The following ZGRF1 variants were observed in gnomAD, a reference collection of about 807,000 sequenced individuals.
ZGRF1 encodes the protein 5'-3' DNA helicase ZGRF1.
In ZGRF1, 196 loss-of-function variants were observed where a neutral mutation model predicts 203.5. The ratio of observed to expected loss-of-function variants is 0.96; its 90% CI spans 0.86 to 1.08. The LOEUF (loss-of-function observed/expected upper bound fraction) is 1.08. Among genes scored for constraint, ZGRF1 ranks in the 50% least tolerant of loss-of-function variants. ZGRF1 has a pLI of 0.00. For synonymous variants in ZGRF1, 809 were observed against 841.3 expected (o/e 0.96, Z 0.66); for missense variants, 2,326 against 2,416.3 (o/e 0.96, Z 0.78).
At chr4:112,570,289 T>G (rs1216630771) in intron 16 of ZGRF1, among the ~76,000 whole-genome samples, 1 of 152,054 alleles carries the variant, frequency 6.6e-6, no homozygotes, top group African/African-American at 2.4e-5. Flanking sequence ...TACAATCAAG[T>G]GTACAAAAAC....
intron 23 of ZGRF1, 72 bp downstream of exon 23, chr4:112,548,181 T>G: frequency 1.4e-6 from 2 of 1,406,374 alleles, no homozygotes; most frequent in Non-Finnish European, 1.9e-6. Flanking sequence ...ACTCAAGCAA[T>G]CCACCTGCCT....
At chr4:112,551,020 T>G (rs973532862) in intron 22 of ZGRF1, among the ~76,000 whole-genome samples, 1 of 152,182 alleles carries the variant, frequency 6.6e-6, no homozygotes, top group African/African-American at 2.4e-5. Flanking sequence ...ATAGTATATA[T>G]AGTTTTCTGA....
intron 16 of ZGRF1, among the ~76,000 whole-genome samples, chr4:112,575,234 T>G (rs776442706): frequency 5.9e-5 from 9 of 152,204 alleles, no homozygotes; most frequent in Admixed American, 1.3e-4. Context: ...TTCCAAGAAC[T>G]AATTAAATGT....
rs771078409 is a variant in ZGRF1, at chr4:112,618,065, T to C, written c.1977A>G (p.Lys659=). 2 of 1,613,656 alleles carry C rather than the reference T, an allele frequency of 1.2e-6. No homozygotes were observed. The highest frequency in any genetic ancestry group is 1.7e-5 in the Admixed American group (1 of 59,990). The change falls in exon 6 of 28, where the codon AAA becomes AAG. Residue 659 remains lysine (K), a synonymous_variant. Coordinates refer to ENST00000505019, the MANE Select transcript of ZGRF1 (RefSeq NM_018392.5). ...CTTGAATAGGTTTATTAGCATCTTCTTTATTATCTCCGTATACAGCATCAG... is the reference window on the plus strand; with the variant it reads ...CTTGAATAGGTTTATTAGCATCTTCCTTATTATCTCCGTATACAGCATCAG... ...KWTDAVYGDN[K]EDANKPIQEV...
At chr4:112,563,057 C>A (rs1398338915) in intron 17 of ZGRF1, 74 bp downstream of exon 17, 1 of 1,320,990 alleles carries the variant, frequency 7.6e-7, no homozygotes. Flanking sequence ...TTTTTGTTGG[C>A]TTTAATCAAA....
chr4:112,549,848 GT>G (rs1739570308), intron 22 of ZGRF1, among the ~76,000 whole-genome samples: 1 of 151,982 alleles, frequency 6.6e-6, no homozygotes, highest in Non-Finnish European at 1.5e-5. Flanking sequence ...AGAAGGTATT[GT>G]TATCATAAGC....
In ZGRF1 at chr4:112,539,524, C is replaced by T; in HGVS notation, c.*23G>A. 2 of 1,146,040 alleles carry T rather than the reference C, an allele frequency of 1.7e-6. No homozygotes were observed. Among genetic ancestry groups the T allele is most frequent in the Non-Finnish European group, 2.5e-6 (2 of 797,108 alleles). 71.0% of individuals were successfully genotyped at this position (1,146,040 alleles called of 1,614,324 possible). On this transcript the variant is annotated 3_prime_UTR_variant, in exon 28 of 28. Coordinates refer to ENST00000505019, the MANE Select transcript of ZGRF1 (RefSeq NM_018392.5). ...AAATGAGTCTGAATTTACATAAATA[C>T]AAAATATTTACACCATGTCTTTTTA...
chr4:112,619,689 C>A lies in ZGRF1; in HGVS notation c.353G>T (p.Gly118Val). The change falls in exon 6 of 28, where the codon GGT becomes GTT. Residue 118 changes from glycine (G) to valine (V), a missense_variant and splice_region_variant. Transcript: ENST00000505019. ...QPSGLKRKFT[G>V]FQGPRQVPKK... ...TGGAACCTGACGTGGTCCTTGAAAA[C>A]CCTGAAAATATTAAAATAACTGTTA... 1 of 1,586,970 alleles carries A rather than the reference C, an allele frequency of 6.3e-7. No individual in the cohort carries two copies.
chr4:112,611,612 A>G (rs2046679540), intron 7 of ZGRF1, among the ~76,000 whole-genome samples: 1 of 152,194 alleles, frequency 6.6e-6, no homozygotes, highest in Admixed American at 6.5e-5. Context: ...TATTTTTTAT[A>G]TAACTACCAT....
intron 16 of ZGRF1, among the ~76,000 whole-genome samples, chr4:112,574,140 G>C (rs961217799): frequency 6.6e-6 from 1 of 152,084 alleles, no homozygotes; most frequent in Non-Finnish European, 1.5e-5. Flanking sequence ...ATATTCAAAA[G>C]AAACCCATAC....
At chr4:112,562,521 A>G in intron 17 of ZGRF1, 36 bp from the exon 18 acceptor site, 1 of 1,261,892 alleles carries the variant, frequency 7.9e-7, no homozygotes, top group East Asian at 2.4e-5. Flanking sequence ...CATTTGATGT[A>G]AATAAAATGG....
chr4:112,628,133 T>A (rs2047295083), intron 3 of ZGRF1, among the ~76,000 whole-genome samples: 2 of 152,244 alleles, frequency 1.3e-5, no homozygotes, highest in African/African-American at 4.8e-5. Context: ...AAACATATTA[T>A]GATCCTTATG....
intron 16 of ZGRF1, among the ~76,000 whole-genome samples, chr4:112,563,974 T>TA (rs1473326290): frequency 6.6e-6 from 1 of 152,154 alleles, no homozygotes. Context: ...CCCCAGCTCT[T>TA]AATACACTGG....
At chr4:112,606,760 A>G (rs551319221) in intron 8 of ZGRF1, among the ~76,000 whole-genome samples, 3 of 152,342 alleles carry the variant, frequency 2.0e-5, no homozygotes, top group African/African-American at 7.2e-5. Flanking sequence ...TAAAATTAGT[A>G]AGAAATGAAA....
chr4:112,621,467 T>C (rs1178416734), intron 4 of ZGRF1, among the ~76,000 whole-genome samples: 3 of 151,724 alleles, frequency 2.0e-5, no homozygotes, highest in Non-Finnish European at 4.4e-5. Context: ...CTGACCAACA[T>C]GGTGAAACCC....
chr4:112,563,996 C>G lies in ZGRF1; in HGVS notation c.4439-722G>C, dbSNP rs1186708625. Among the ~76,000 whole-genome samples, 3 of 152,160 alleles carry G rather than the reference C, an allele frequency of 2.0e-5. No homozygotes were observed. In the East Asian group the frequency reaches 5.8e-4, roughly 29 times the overall value. On this transcript the variant is annotated intron_variant, in intron 16 of 27. Transcript: ENST00000505019. The stretch of plus-strand genomic sequence containing the variant: ...TCTTAATACACTGGCAATCAAATTT[C>G]AAAGTATGTATTTGGCAGTGGGAAC...
Position 112,620,186 on chromosome 4 carries a change from T to C in ZGRF1, c.167A>G (p.Lys56Arg), listed in dbSNP as rs764161000. Residue 56 changes from lysine (K) to arginine (R), a missense_variant, in exon 5 of 28, where the codon AAA becomes AGA. By Grantham distance (26) the Lys-to-Arg change is conservative. Coordinates refer to ENST00000505019, the MANE Select transcript of ZGRF1 (RefSeq NM_018392.5). ...ESLFLKCLEV[K>R]PGDDLESDRY... ...ATCACTTTCTAAGTCATCTCCAGGT[T>C]TCACCTGAAAGAATAAATGTCAAAA... The C allele has an allele frequency of 6.3e-7, 1 of 1,596,512 alleles. No individual in the cohort carries two copies. The highest frequency in any genetic ancestry group is 2.2e-5 in the East Asian group (1 of 44,448).
chr4:112,627,566 C>T (rs911429934), intron 3 of ZGRF1, among the ~76,000 whole-genome samples: 3 of 152,024 alleles, frequency 2.0e-5, no homozygotes, highest in Admixed American at 2.0e-4. Flanking sequence ...CATGGTGAAA[C>T]CCGTCTCTAC....
At chr4:112,585,466 T>A in intron 14 of ZGRF1, 75 bp downstream of exon 14, 1 of 1,180,460 alleles carries the variant, frequency 8.5e-7, no homozygotes, top group South Asian at 1.8e-5. Flanking sequence ...TTTAAGCTTA[T>A]CATGAAGTAA....
Sources: allele counts gnomAD v4.1 joint callset (sites outside exome capture counted in the v4.1 genomes callset), GRCh38; gene constraint gnomAD v4.1.1; transcripts MANE v1.5; gene names NCBI Gene and HGNC (gene_info 2026-07-23, HGNC 2026-07-21).